The following SBF2 variants were observed in gnomAD, a reference collection of about 807,000 sequenced individuals.
SBF2 encodes myotubularin-related protein 13.
In SBF2, 112 loss-of-function variants were observed where a neutral mutation model predicts 225.2. The ratio of observed to expected loss-of-function variants is 0.50; its 90% CI spans 0.43 to 0.58. SBF2 has a LOEUF of 0.58. Among genes scored for constraint, SBF2 ranks in the 20% least tolerant of loss-of-function variants. The pLI is 0.00. For missense variants in SBF2, 1,996 were observed against 2,206.2 expected (o/e 0.90, Z 1.91); for synonymous variants, 763 against 773.3 (o/e 0.99, Z 0.22).
In SBF2 at chr11:9,882,526, C is replaced by T. The variant is rs537259694; in HGVS notation, c.1929+13417G>A. Among the ~76,000 whole-genome samples the T allele has an allele frequency of 1.1e-4, 16 of 152,196 alleles. No homozygotes were observed. In the East Asian group the frequency reaches 1.2e-3, roughly 11 times the overall value. ...GATACAGTGCTTAAACATAACTTCT[C>T]GGCCGGGCATGGTGGCTCATGTCTG... On this transcript the variant is annotated intron_variant, in intron 17 of 39. Transcript: ENST00000256190.
At chr11:9,953,473 G>GAT (rs1166776889) in intron 16 of SBF2, among the ~76,000 whole-genome samples, 1 of 152,084 alleles carries the variant, frequency 6.6e-6, no homozygotes, top group Non-Finnish European at 1.5e-5. Context: ...AACTGTGGCA[G>GAT]ATATATATGA....
intron 16 of SBF2, among the ~76,000 whole-genome samples, chr11:9,899,906 G>A (rs1458900851): frequency 2.6e-5 from 4 of 152,104 alleles, no homozygotes; most frequent in African/African-American, 9.7e-5. Flanking sequence ...AGGGGAGGAT[G>A]AGTGGGGAGA....
At chr11:9,855,607 C>T (rs1564920013) in intron 19 of SBF2, among the ~76,000 whole-genome samples, 1 of 152,088 alleles carries the variant, frequency 6.6e-6, no homozygotes, top group Non-Finnish European at 1.5e-5. Flanking sequence ...TTATTGAGTA[C>T]TATATGCAAA....
At chr11:10,265,509 T>TTG (rs1961900098) in intron 1 of SBF2, among the ~76,000 whole-genome samples, 5 of 60,108 alleles carry the variant, frequency 8.3e-5, no homozygotes, top group Non-Finnish European at 1.5e-4. Flanking sequence ...GGGGGAGAGG[T>TTG]GGGGGGGTAT....
intron 2 of SBF2, among the ~76,000 whole-genome samples, chr11:10,066,269 G>A (rs1013270264): frequency 6.6e-6 from 1 of 151,356 alleles, no homozygotes; most frequent in South Asian, 2.1e-4. Flanking sequence ...GACATTACAA[G>A]AAAACTACAG....
intron 1 of SBF2, among the ~76,000 whole-genome samples, chr11:10,276,370 A>T (rs1962960368): frequency 6.6e-6 from 1 of 152,210 alleles, no homozygotes; most frequent in Non-Finnish European, 1.5e-5. Flanking sequence ...GAAGAAACAC[A>T]ATGTAAAGTG....
chr11:10,141,422 T>G, intron 2 of SBF2, among the ~76,000 whole-genome samples: 1 of 152,076 alleles, frequency 6.6e-6, no homozygotes, highest in East Asian at 1.9e-4. Context: ...AGAGGCCATC[T>G]CCCCCTCTCT....
chr11:10,288,494 C>T (rs999850570), intron 1 of SBF2, among the ~76,000 whole-genome samples: 1 of 152,052 alleles, frequency 6.6e-6, no homozygotes, highest in African/African-American at 2.4e-5. Context: ...CTCCTCTCTG[C>T]AGCTGGTCAT....
At chr11:10,254,180 T>C (rs1960635259) in intron 1 of SBF2, among the ~76,000 whole-genome samples, 2 of 152,048 alleles carry the variant, frequency 1.3e-5, no homozygotes, top group East Asian at 3.9e-4. Flanking sequence ...GCCCAGGAGT[T>C]TGAGACCAGC....
At chr11:9,892,228 C>T (rs1860885825) in intron 17 of SBF2, among the ~76,000 whole-genome samples, 1 of 152,046 alleles carries the variant, frequency 6.6e-6, no homozygotes, top group Non-Finnish European at 1.5e-5. Context: ...AAGTGATTCT[C>T]CTTCCCCAGC....
chr11:9,925,800 C>T (rs1863988570), intron 16 of SBF2, among the ~76,000 whole-genome samples: 1 of 152,132 alleles, frequency 6.6e-6, no homozygotes, highest in Non-Finnish European at 1.5e-5. Flanking sequence ...TATCTCTTTT[C>T]TTCCCACAAT....
At chr11:10,018,974 T>G (rs1457279963) in intron 6 of SBF2, among the ~76,000 whole-genome samples, 2 of 152,168 alleles carry the variant, frequency 1.3e-5, no homozygotes, top group African/African-American at 4.8e-5. Flanking sequence ...AATGCCCTTA[T>G]TTTACTTTTC....
chr11:10,268,829 C>T (rs1962229508), intron 1 of SBF2, among the ~76,000 whole-genome samples: 1 of 152,156 alleles, frequency 6.6e-6, no homozygotes, highest in Admixed American at 6.5e-5. Context: ...TTTCAGAACT[C>T]CAATTCCTTG....
At chr11:10,201,120 C>G (rs185922684) in intron 1 of SBF2, among the ~76,000 whole-genome samples, 2 of 152,220 alleles carry the variant, frequency 1.3e-5, no homozygotes, top group African/African-American at 4.8e-5. Context: ...CTAAAGCAAA[C>G]GCACAGCACT....
In SBF2 at chr11:9,853,582, C is replaced by T; in HGVS notation, c.2494G>A (p.Val832Ile). 6.2e-7 allele frequency: 1 copy of T among 1,614,002 alleles called. No homozygotes were observed. The highest frequency in any genetic ancestry group is 8.5e-7 in the Non-Finnish European group (1 of 1,179,910). ...AGGCTCTTGATGTGATCCTGAGTAA[C>T]TCCACTCTCTGTACAAACTTTGTCA... is the stretch of plus-strand genomic sequence containing the variant. ...FIDKVCTESG[V>I]TQDHIKSLHC... Residue 832 changes from valine (V) to isoleucine (I), a missense_variant, in exon 20 of 40, where the codon GTT (valine) becomes ATT (isoleucine). Val to Ile is a conservative substitution (Grantham distance 29). Coordinates refer to ENST00000256190, the MANE Select transcript of SBF2 (RefSeq NM_030962.4).
rs376185409 is a variant in SBF2 at position 10,079,566 on chromosome 11, TAAAC to T, written c.142-36589_142-36586del. ...AAAAGTTTTTTAAAAAAGGATTTAA[TAAAC>T]AAACAAAGCATTTGAGAAGTATGGA... is the stretch of plus-strand genomic sequence containing the variant. On this transcript the variant is annotated intron_variant, in intron 2 of 39. Coordinates refer to ENST00000256190, the MANE Select transcript of SBF2 (RefSeq NM_030962.4). 1.4e-3 allele frequency among the ~76,000 whole-genome samples: 210 copies of T among 152,224 alleles called. 3 individuals are homozygous for T. In the South Asian group the frequency reaches 0.031, roughly 23 times the overall value.
In SBF2 at chr11:10,001,351, ACT is replaced by A. The variant is rs1410745320; in HGVS notation, c.753-331_753-330del. 2.0e-5 allele frequency among the ~76,000 whole-genome samples: 3 copies of A among 151,894 alleles called. No homozygotes were observed. In the East Asian group the frequency reaches 5.8e-4, roughly 29 times the overall value. On this transcript the variant is annotated intron_variant, in intron 7 of 39. Coordinates refer to ENST00000256190, the MANE Select transcript of SBF2 (RefSeq NM_030962.4). ...AACCCGACATTAGACAGTAACACTG[ACT>A]CTCTGATAGGGCCTCCCCTCTCAGT... is the stretch of plus-strand genomic sequence containing the variant.
chr11:10,152,627 A>T (rs182142793), intron 2 of SBF2, among the ~76,000 whole-genome samples: 88 of 152,294 alleles, frequency 5.8e-4, no homozygotes, highest in African/African-American at 2.0e-3. Flanking sequence ...GATACAGTGA[A>T]TGCCTACTGT....
At chr11:10,192,094 C>T (rs61034877) in intron 2 of SBF2, among the ~76,000 whole-genome samples, 2,205 of 152,234 alleles carry the variant, frequency 0.014, 42 homozygotes, top group African/African-American at 0.037. Flanking sequence ...CTCAATCACA[C>T]TAAAAGGGAC....
Sources: allele counts gnomAD v4.1 joint callset (sites outside exome capture counted in the v4.1 genomes callset), GRCh38; gene constraint gnomAD v4.1.1; transcripts MANE v1.5; gene names NCBI Gene and HGNC (gene_info 2026-07-23, HGNC 2026-07-21).